The following TXLNG variants were observed in gnomAD, a reference collection of about 807,000 sequenced individuals.
TXLNG encodes taxilin gamma, also known as gamma-taxilin.
Under a neutral mutation model 38.8 loss-of-function variants are expected in TXLNG, and 5 were observed. That is an observed-to-expected ratio of 0.13 (90% CI 0.07 to 0.27). The LOEUF (loss-of-function observed/expected upper bound fraction) is 0.27. Ranked by LOEUF, TXLNG falls within the 10% of genes least tolerant of loss-of-function variation. TXLNG has a pLI of 1.00. For synonymous variants in TXLNG, 182 were observed against 158.2 expected, an observed-to-expected ratio of 1.15 and a Z score of -1.13; for missense variants, 393 against 398.2, an observed-to-expected ratio of 0.99 and a Z score of 0.11.
At chrX:16,814,492 G>A (rs1033809688) in intron 1 of TXLNG, among the ~76,000 whole-genome samples, 9 of 111,851 alleles carry the variant, frequency 8.0e-5, no homozygotes, top group Admixed American at 3.8e-4. Context: ...GCGGGTGCCC[G>A]TAATCCCAGC....
intron 8 of TXLNG, among the ~76,000 whole-genome samples, chrX:16,838,885 A>G (rs999423100): frequency 2.7e-5 from 3 of 111,972 alleles, no homozygotes; most frequent in Non-Finnish European, 5.6e-5. Context: ...ATGGGTCAGC[A>G]GTCAACCTAG....
intron 8 of TXLNG, among the ~76,000 whole-genome samples, chrX:16,838,740 G>C (rs1929691847): frequency 8.9e-6 from 1 of 111,991 alleles, no homozygotes; most frequent in Non-Finnish European, 1.9e-5. Flanking sequence ...TAGGCACAGT[G>C]CAGGTGATAG....
intron 9 of TXLNG, among the ~76,000 whole-genome samples, chrX:16,840,752 A>G (rs371414222): frequency 4.0e-4 from 44 of 111,017 alleles, no homozygotes; most frequent in African/African-American, 1.4e-3. Flanking sequence ...AGCCCGGGCG[A>G]CAGAGCGAGA....
At chrX:16,796,269 C>T (rs925487343) in intron 1 of TXLNG, among the ~76,000 whole-genome samples, 1 of 111,121 alleles carries the variant, frequency 9.0e-6, no homozygotes, top group Non-Finnish European at 1.9e-5. Flanking sequence ...TCTCAAGGTG[C>T]TGGGATTACA....
chrX:16,832,861 G>A, intron 6 of TXLNG, 119 bp downstream of exon 6: 2 of 885,753 alleles, frequency 2.3e-6, no homozygotes, highest in Admixed American at 6.8e-5. Context: ...CTTTAATGTA[G>A]CACCTGGGGG....
Position 16,786,606 on chromosome X carries a change from C to T in TXLNG, c.102+17C>T, listed in dbSNP as rs751430654. 5,033 of 1,031,039 alleles carry T rather than the reference C, an allele frequency of 4.9e-3. 10 individuals carry two copies. The highest frequency in any genetic ancestry group is 5.9e-3 in the Non-Finnish European group (4,770 of 806,383). The allele number at this position is 1,031,039 out of a possible 1,213,427, so 85.0% of individuals were successfully genotyped here. On this transcript the variant is annotated intron_variant, in intron 1 of 9. Coordinates refer to ENST00000380122, the MANE Select transcript of TXLNG (RefSeq NM_018360.3). ...CGGCAGAAGGTCAGTCAGGGGGACG[C>T]CCTCGTTGTTGTCGGGCCCGGGGGA... is the stretch of plus-strand genomic sequence containing the variant.
chrX:16,798,692 C>T (rs1161995203), intron 1 of TXLNG, among the ~76,000 whole-genome samples: 1 of 109,950 alleles, frequency 9.1e-6, no homozygotes, highest in Non-Finnish European at 1.9e-5. Flanking sequence ...CTCAAGCAAG[C>T]CTCCTGCTTC....
At position 16,789,952 on chromosome X, in the gene TXLNG, G is replaced by A. The variant is rs192805578; in HGVS notation, c.102+3363G>A. 7.9e-3 allele frequency among the ~76,000 whole-genome samples: 867 copies of A among 109,685 alleles called. 12 individuals are homozygous for A. The highest frequency in any genetic ancestry group is 0.028 in the African/African-American group (840 of 30,134). On this transcript the variant is annotated intron_variant, in intron 1 of 9. Transcript: ENST00000380122. ...TGGGATTACAGGCATGTGCCACCAC[G>A]CCCGGCTAATTTTTTTTGTATTTTT... is the stretch of plus-strand genomic sequence containing the variant.
Position 16,841,560 on chromosome X carries a change from A to G in TXLNG, c.1381A>G (p.Ile461Val). The change falls in exon 10 of 10, where the codon ATC becomes GTC. Residue 461 changes from isoleucine to valine, a missense_variant. Coordinates refer to ENST00000380122, the MANE Select transcript of TXLNG (RefSeq NM_018360.3). ...KVEVLKEQVS[I>V]KAAIKAANRD... ...GGAAGTCCTGAAAGAGCAGGTATCCATCAAAGCGGCCATCAAAGCGGCGAA... is the reference window on the plus strand; with the variant it reads ...GGAAGTCCTGAAAGAGCAGGTATCCGTCAAAGCGGCCATCAAAGCGGCGAA... The G allele has an allele frequency of 8.3e-7, 1 of 1,211,796 alleles. No individual in the cohort carries two copies. Among genetic ancestry groups the G allele is most frequent in the Non-Finnish European group, 1.1e-6 (1 of 895,454 alleles).
chrX:16,842,403 T>C lies in TXLNG; in HGVS notation c.*637T>C, dbSNP rs1929888731. On this transcript the variant is annotated 3_prime_UTR_variant, in exon 10 of 10. Coordinates refer to ENST00000380122, the MANE Select transcript of TXLNG (RefSeq NM_018360.3). ...GGACAAAATAGTACATAGAGGCAAA[T>C]CACTAGACAAATAAGCTTAGTGTTT... 9.0e-6 allele frequency: 1 copy of C among 111,635 alleles called. No homozygotes were observed. The highest frequency in any genetic ancestry group is 1.9e-5 in the Non-Finnish European group (1 of 53,231). 9.2% of individuals were successfully genotyped at this position (111,635 alleles called of 1,213,427 possible).
chrX:16,837,738 C>T, intron 8 of TXLNG, 53 bp downstream of exon 8: 1 of 920,962 alleles, frequency 1.1e-6, no homozygotes, highest in Non-Finnish European at 1.5e-6. Flanking sequence ...TGTATAAGCT[C>T]TTTTAAGTGT....
At chrX:16,837,376 G>T (rs890165397) in intron 7 of TXLNG, among the ~76,000 whole-genome samples, 1 of 111,995 alleles carries the variant, frequency 8.9e-6, no homozygotes, top group East Asian at 2.8e-4. Flanking sequence ...AATGGGTGGA[G>T]ATCTAATATT....
chrX:16,817,658 G>A (rs188464780), intron 1 of TXLNG, among the ~76,000 whole-genome samples: 1 of 112,128 alleles, frequency 8.9e-6, no homozygotes, highest in Admixed American at 9.5e-5. Context: ...TGACCAGGAA[G>A]TGTTCACAAG....
chrX:16,834,681 C>T (rs1045223418), intron 7 of TXLNG, among the ~76,000 whole-genome samples: 1 of 111,590 alleles, frequency 9.0e-6, no homozygotes, highest in Non-Finnish European at 1.9e-5. Flanking sequence ...TAATTCCTCC[C>T]TTTTTCAGTC....
At chrX:16,834,475 T>C (rs758015272) in intron 7 of TXLNG, 118 bp downstream of exon 7, 7 of 513,449 alleles carry the variant, frequency 1.4e-5, no homozygotes, top group Non-Finnish European at 2.1e-5. Flanking sequence ...CAGCCAGAGC[T>C]GACCAGGACT....
chrX:16,807,376 T>A (rs778253549), intron 1 of TXLNG, among the ~76,000 whole-genome samples: 1 of 112,283 alleles, frequency 8.9e-6, no homozygotes, highest in East Asian at 2.8e-4. Flanking sequence ...TTTCCAAAGC[T>A]GATTTATAAA....
rs773459572 is a variant in TXLNG at position 16,832,817 on chromosome X, A to G, written c.984+75A>G. On this transcript the variant is annotated intron_variant, in intron 6 of 9. Transcript: ENST00000380122. ...GAGGCCATTTGAAACATCAAATTGT[A>G]ACCAAGGCCGTTTGAAACATTTATC... The G allele has an allele frequency of 1.3e-5, 14 of 1,106,096 alleles. No homozygotes were observed. The African/African-American group carries it at 2.0e-4, about 16-fold the overall frequency. 91.2% of individuals were successfully genotyped at this position (1,106,096 alleles called of 1,213,427 possible).
intron 3 of TXLNG, among the ~76,000 whole-genome samples, chrX:16,822,155 G>A (rs920892300): frequency 1.8e-5 from 2 of 108,688 alleles, no homozygotes; most frequent in South Asian, 4.1e-4. Flanking sequence ...TGGCTAACAC[G>A]GTGAAACCCC....
At chrX:16,792,316 G>A (rs922031139) in intron 1 of TXLNG, among the ~76,000 whole-genome samples, 5 of 111,749 alleles carry the variant, frequency 4.5e-5, no homozygotes, top group African/African-American at 1.6e-4. Context: ...TATGACAGAT[G>A]TCTTCTAATG....
Sources: allele counts gnomAD v4.1 joint callset (sites outside exome capture counted in the v4.1 genomes callset), GRCh38; gene constraint gnomAD v4.1.1; transcripts MANE v1.5; gene names NCBI Gene and HGNC (gene_info 2026-07-23, HGNC 2026-07-21).